Variants in CADM2 observed in about 807,000 individuals in gnomAD.
The protein encoded by CADM2 is cell adhesion molecule 2.
In CADM2, 12 loss-of-function variants were observed where a neutral mutation model predicts 49.8. The observed-to-expected ratio is 0.24, with a 90% CI of 0.15 to 0.39. The LOEUF (loss-of-function observed/expected upper bound fraction) is 0.39, where lower values mean the gene tolerates loss of function less well. CADM2 is among the 10% of genes least tolerant of loss of function. The pLI is 1.00. For synonymous variants in CADM2, 214 were observed against 175.4 expected, an observed-to-expected ratio of 1.22 and a Z score of -1.74; for missense variants, 378 against 492.3, an observed-to-expected ratio of 0.77 and a Z score of 2.20.
intron 1 of CADM2, among the ~76,000 whole-genome samples, chr3:85,030,201 T>TA (rs747872069): frequency 5.3e-5 from 8 of 152,190 alleles, no homozygotes; most frequent in Non-Finnish European, 7.3e-5. Context: ...TTGAAACACT[T>TA]AGACAATTCA....
At chr3:85,868,016 G>A (rs1303111167) in intron 3 of CADM2, among the ~76,000 whole-genome samples, 1 of 151,850 alleles carries the variant, frequency 6.6e-6, no homozygotes, top group African/African-American at 2.4e-5. Context: ...TATTATTAAG[G>A]TACCAACAAT....
At chr3:85,001,881 A>T (rs191822855) in intron 1 of CADM2, among the ~76,000 whole-genome samples, 3 of 152,106 alleles carry the variant, frequency 2.0e-5, no homozygotes, top group Non-Finnish European at 4.4e-5. Flanking sequence ...AGACACTCAG[A>T]TTTCGAATAA....
At chr3:85,170,008 C>A (rs575535267) in intron 1 of CADM2, among the ~76,000 whole-genome samples, 1 of 152,204 alleles carries the variant, frequency 6.6e-6, no homozygotes, top group African/African-American at 2.4e-5. Context: ...TTCCCCTGTG[C>A]TAATGGTGTG....
intron 1 of CADM2, among the ~76,000 whole-genome samples, chr3:85,611,273 A>AC (rs1028820688): frequency 4.6e-5 from 7 of 151,642 alleles, no homozygotes; most frequent in African/African-American, 1.7e-4. Context: ...GTGAAAGCAT[A>AC]CATTTTTATC....
At chr3:85,652,843 T>C (rs1039397168) in intron 1 of CADM2, among the ~76,000 whole-genome samples, 2 of 130,162 alleles carry the variant, frequency 1.5e-5, no homozygotes, top group Non-Finnish European at 3.1e-5. Context: ...AATGACATGA[T>C]CTCGGTTCAC....
intron 1 of CADM2, among the ~76,000 whole-genome samples, chr3:85,644,405 T>C (rs2064824132): frequency 6.6e-6 from 1 of 152,182 alleles, no homozygotes; most frequent in Admixed American, 6.5e-5. Flanking sequence ...GGTTTAGGGC[T>C]TCAGCATATG....
At chr3:85,283,840 G>A (rs2043562848) in intron 1 of CADM2, among the ~76,000 whole-genome samples, 1 of 152,098 alleles carries the variant, frequency 6.6e-6, no homozygotes, top group Admixed American at 6.6e-5. Context: ...AGTATAATTT[G>A]GAAGCAAAGC....
intron 1 of CADM2, among the ~76,000 whole-genome samples, chr3:85,113,093 T>C (rs564682731): frequency 4.3e-4 from 66 of 152,192 alleles, no homozygotes; most frequent in African/African-American, 1.5e-3. Context: ...CAGCTCATTG[T>C]ATTTCTTAGT....
chr3:86,058,363 G>A (rs930462102), intron 8 of CADM2, among the ~76,000 whole-genome samples: 1 of 151,988 alleles, frequency 6.6e-6, no homozygotes, highest in African/African-American at 2.4e-5. Context: ...CTAACATTTG[G>A]ATAGTGCTTC....
intron 1 of CADM2, among the ~76,000 whole-genome samples, chr3:85,076,367 G>A (rs1457454434): frequency 1.4e-5 from 2 of 146,382 alleles, no homozygotes; most frequent in South Asian, 2.2e-4. Context: ...TTTCTGAGAT[G>A]GAGTCTCGCT....
At chr3:85,490,322 G>A (rs1007975052) in intron 1 of CADM2, among the ~76,000 whole-genome samples, 1 of 151,858 alleles carries the variant, frequency 6.6e-6, no homozygotes, top group Non-Finnish European at 1.5e-5. Context: ...CCCCTGTGTC[G>A]GCTGCACAAT....
chr3:85,466,589 A>G (rs1442843527), intron 1 of CADM2, among the ~76,000 whole-genome samples: 2 of 152,200 alleles, frequency 1.3e-5, no homozygotes, highest in Non-Finnish European at 2.9e-5. Context: ...TTCAATCTCA[A>G]TATAAAACAT....
At chr3:85,049,428 G>A (rs2035794508) in intron 1 of CADM2, among the ~76,000 whole-genome samples, 1 of 151,704 alleles carries the variant, frequency 6.6e-6, no homozygotes, top group Non-Finnish European at 1.5e-5. Context: ...TCAGCTCACT[G>A]CAAGCTCCGC....
chr3:85,495,993 T>G (rs2039873889), intron 1 of CADM2, among the ~76,000 whole-genome samples: 1 of 152,184 alleles, frequency 6.6e-6, no homozygotes, highest in Non-Finnish European at 1.5e-5. Flanking sequence ...ACAGCAACAA[T>G]TAAAATGATT....
In CADM2 at chr3:85,579,247, C is replaced by A. The variant is rs575742883; in HGVS notation, c.62-147275C>A. The stretch of plus-strand genomic sequence containing the variant: ...ATATACCATCCTACCTTCCTTCATT[C>A]TTCCTCATTTTGTTATTTTTCCTTG... On this transcript the variant is annotated intron_variant, in intron 1 of 9. Coordinates refer to ENST00000383699, the MANE Select transcript of CADM2 (RefSeq NM_001167675.2). 9.2e-5 allele frequency among the ~76,000 whole-genome samples: 14 copies of A among 152,204 alleles called. No individual in the cohort carries two copies. The South Asian group carries it at 2.9e-3, about 32-fold the overall frequency.
intron 1 of CADM2, among the ~76,000 whole-genome samples, chr3:85,675,627 G>GA (rs1191431185): frequency 3.3e-5 from 5 of 152,136 alleles, no homozygotes; most frequent in Non-Finnish European, 7.4e-5. Flanking sequence ...CTAGTACACT[G>GA]AATAGAGTAG....
At chr3:85,804,639 T>C (rs1183193793) in intron 3 of CADM2, among the ~76,000 whole-genome samples, 1 of 152,166 alleles carries the variant, frequency 6.6e-6, no homozygotes, top group Non-Finnish European at 1.5e-5. Context: ...CTATATGAAA[T>C]GCCCTTGCCT....
At chr3:84,987,937 T>G (rs1274844056) in intron 1 of CADM2, among the ~76,000 whole-genome samples, 1 of 152,168 alleles carries the variant, frequency 6.6e-6, no homozygotes, top group Non-Finnish European at 1.5e-5. Flanking sequence ...TATGCTGTCA[T>G]AAACTTACTG....
In CADM2 at chr3:85,460,463, G is replaced by A. The variant is rs145421862; in HGVS notation, c.62-266059G>A. 5.8e-3 allele frequency among the ~76,000 whole-genome samples: 876 copies of A among 152,138 alleles called. 3 individuals carry two copies. The highest frequency in any genetic ancestry group is 8.7e-3 in the Non-Finnish European group (594 of 67,980). On this transcript the variant is annotated intron_variant, in intron 1 of 9. Transcript: ENST00000383699. ...AAGCTATTTTTAAACTGCCTTCCTTGCATTTCAAAATGTAACTGAAGTTTT... is the reference window on the plus strand; with the variant it reads ...AAGCTATTTTTAAACTGCCTTCCTTACATTTCAAAATGTAACTGAAGTTTT...
Sources: gnomAD v4.1 joint callset for allele counts (sites outside exome capture counted in the v4.1 genomes callset) on GRCh38, gnomAD v4.1.1 for gene constraint, MANE v1.5 for transcripts, NCBI Gene and HGNC (gene_info 2026-07-23, HGNC 2026-07-21) for gene names.